WWOX: variants seen among roughly 807,000 people sequenced by gnomAD.
The protein encoded by WWOX is WW domain-containing oxidoreductase.
In WWOX, 69 loss-of-function variants were observed where a neutral mutation model predicts 46.2. The observed-to-expected ratio is 1.49, with a 90% confidence interval of 1.23 to 1.82. WWOX has a LOEUF of 1.82. Ranked by LOEUF, WWOX falls within the 40% of genes most tolerant of loss-of-function variation. The pLI, the probability that WWOX is intolerant of heterozygous loss-of-function variation, is 0.00. For synonymous variants in WWOX, 359 were observed against 202.6 expected, an observed-to-expected ratio of 1.77 and a Z score of -6.56; for missense variants, 919 against 542.6, an observed-to-expected ratio of 1.69 and a Z score of -6.89.
chr16:78,742,813 C>A (rs1198077172), intron 8 of WWOX, among the ~76,000 whole-genome samples: 1 of 152,152 alleles, frequency 6.6e-6, no homozygotes, highest in African/African-American at 2.4e-5. Flanking sequence ...TGCGGGAATT[C>A]ACTTGAAATT....
intron 8 of WWOX, among the ~76,000 whole-genome samples, chr16:78,490,109 C>G (rs2738709): frequency 6.7e-6 from 1 of 148,926 alleles, no homozygotes; most frequent in Non-Finnish European, 1.5e-5. Flanking sequence ...TAACACTAAA[C>G]GATTTGTTCA....
intron 8 of WWOX, among the ~76,000 whole-genome samples, chr16:78,907,100 C>G (rs1486511688): frequency 1.3e-5 from 2 of 152,102 alleles, no homozygotes; most frequent in Admixed American, 6.5e-5. Context: ...CTCAAATCAG[C>G]TTTCCTGAAA....
chr16:78,402,186 C>T (rs146576828), intron 6 of WWOX, among the ~76,000 whole-genome samples: 6 of 152,234 alleles, frequency 3.9e-5, no homozygotes, highest in Non-Finnish European at 8.8e-5. Flanking sequence ...CTTTCTATCT[C>T]TACCTGTTTG....
intron 6 of WWOX, among the ~76,000 whole-genome samples, chr16:78,407,175 C>G (rs1445106704): frequency 1.3e-5 from 2 of 152,044 alleles, no homozygotes; most frequent in Non-Finnish European, 2.9e-5. Context: ...ATTTTTTTCC[C>G]TTTTCTGGGA....
At chr16:79,048,981 C>G (rs2048116709) in intron 8 of WWOX, among the ~76,000 whole-genome samples, 1 of 152,178 alleles carries the variant, frequency 6.6e-6, no homozygotes, top group Non-Finnish European at 1.5e-5. Context: ...CCTCTATTCC[C>G]TGGACAAATA....
At chr16:78,974,300 C>T (rs1045360886) in intron 8 of WWOX, among the ~76,000 whole-genome samples, 7 of 152,168 alleles carry the variant, frequency 4.6e-5, no homozygotes, top group East Asian at 1.9e-4. Flanking sequence ...AATGAATAAC[C>T]GCCTTCCAGT....
In WWOX at chr16:78,697,656, A is replaced by G. The variant is rs2048129597; in HGVS notation, c.1056+264904A>G. Reference sequence around the variant, plus strand: ...ACCACCATACGTGAAAAAATGCTCAACATCACTAATGATCAGGGAAAGGCT... The same window carrying G: ...ACCACCATACGTGAAAAAATGCTCAGCATCACTAATGATCAGGGAAAGGCT... On this transcript the variant is annotated intron_variant, in intron 8 of 8. Transcript: ENST00000566780. 2.0e-5 allele frequency among the ~76,000 whole-genome samples: 3 copies of G among 152,204 alleles called. No individual in the cohort carries two copies. The South Asian group carries it at 6.2e-4, about 32-fold the overall frequency.
intron 8 of WWOX, among the ~76,000 whole-genome samples, chr16:78,858,764 A>C (rs2052631340): frequency 6.6e-6 from 1 of 151,692 alleles, no homozygotes; most frequent in Non-Finnish European, 1.5e-5. Context: ...CTGCAGCCTC[A>C]AACTTCTAGG....
chr16:79,190,073 C>G (rs2051103407), intron 8 of WWOX, among the ~76,000 whole-genome samples: 1 of 151,932 alleles, frequency 6.6e-6, no homozygotes, highest in Non-Finnish European at 1.5e-5. Context: ...ACTGAGTCGC[C>G]CAGGGCGGCG....
chr16:78,109,756 A>T, intron 2 of WWOX, 22 bp from the exon 3 acceptor site: 2 of 1,613,992 alleles, frequency 1.2e-6, no homozygotes, highest in South Asian at 1.1e-5. Flanking sequence ...GCACCTGTAG[A>T]CCTGTCTTTC....
intron 8 of WWOX, among the ~76,000 whole-genome samples, chr16:79,163,816 A>AAAAAGAG (rs1294854077): frequency 5.6e-5 from 7 of 124,512 alleles, no homozygotes; most frequent in East Asian, 2.2e-4. Flanking sequence ...AAAAAAAAAA[A>AAAAAGAG]AGAGAGAGAG....
Position 78,451,914 on chromosome 16 carries a change from A to T in WWOX, c.1056+19162A>T, listed in dbSNP as rs557230029. 2.6e-4 allele frequency among the ~76,000 whole-genome samples: 40 copies of T among 152,314 alleles called. No homozygotes were observed. In the South Asian group the frequency reaches 8.3e-3, roughly 32 times the overall value. On this transcript the variant is annotated intron_variant, in intron 8 of 8. Transcript: ENST00000566780. The stretch of plus-strand genomic sequence containing the variant: ...ATCATTCCTTCCACGAAGGAATGAA[A>T]TTATAACGTAATGTATTGTTGGAGC...
chr16:78,778,583 G>A (rs1473738218), intron 8 of WWOX, among the ~76,000 whole-genome samples: 2 of 152,088 alleles, frequency 1.3e-5, no homozygotes, highest in Admixed American at 6.6e-5. Flanking sequence ...GAAATTCAAG[G>A]TATGAAATTC....
chr16:79,087,523 A>G (rs1156391751), intron 8 of WWOX, among the ~76,000 whole-genome samples: 1 of 151,702 alleles, frequency 6.6e-6, no homozygotes, highest in Non-Finnish European at 1.5e-5. Flanking sequence ...TAGAACAACA[A>G]GCTTGGAAGG....
At chr16:78,864,695 A>T (rs959659832) in intron 8 of WWOX, among the ~76,000 whole-genome samples, 1 of 149,482 alleles carries the variant, frequency 6.7e-6, no homozygotes, top group Non-Finnish European at 1.5e-5. Context: ...CACATCACAG[A>T]TGAACAATGG....
At chr16:79,207,383 G>C (rs548359474) in intron 8 of WWOX, among the ~76,000 whole-genome samples, 46 of 152,316 alleles carry the variant, frequency 3.0e-4, no homozygotes, top group African/African-American at 1.1e-3. Flanking sequence ...TTTGTCCTGG[G>C]ACGTTAGTCA....
In WWOX at chr16:78,720,052, C is replaced by T. The variant is rs115441314; in HGVS notation, c.1056+287300C>T. 5.4e-3 allele frequency among the ~76,000 whole-genome samples: 827 copies of T among 152,212 alleles called. 9 individuals carry two copies. Among genetic ancestry groups the T allele is most frequent in the African/African-American group, 0.019 (785 of 41,540 alleles). ...GTACATTTTATGAAATGACTGTTTTCAGAAAACAACGATTTCAATTTAATC... is the reference window on the plus strand; with the variant it reads ...GTACATTTTATGAAATGACTGTTTTTAGAAAACAACGATTTCAATTTAATC... On this transcript the variant is annotated intron_variant, in intron 8 of 8. Coordinates refer to ENST00000566780, the MANE Select transcript of WWOX (RefSeq NM_016373.4).
At chr16:78,847,047 C>T (rs1452920341) in intron 8 of WWOX, among the ~76,000 whole-genome samples, 1 of 152,206 alleles carries the variant, frequency 6.6e-6, no homozygotes, top group Non-Finnish European at 1.5e-5. Context: ...TTGACATGCC[C>T]CGTTCTTTTT....
intron 8 of WWOX, among the ~76,000 whole-genome samples, chr16:78,830,713 G>A (rs1374408963): frequency 1.3e-5 from 2 of 151,748 alleles, no homozygotes; most frequent in Non-Finnish European, 2.9e-5. Flanking sequence ...GGGCTGTTCA[G>A]GTCGATTTGG....
Sources: allele counts gnomAD v4.1 joint callset (sites outside exome capture counted in the v4.1 genomes callset), GRCh38; gene constraint gnomAD v4.1.1; transcripts MANE v1.5; gene names NCBI Gene and HGNC (gene_info 2026-07-23, HGNC 2026-07-21).